Variants in NRCAM observed in about 807,000 individuals in gnomAD.
The protein encoded by NRCAM is neuronal cell adhesion molecule.
In NRCAM, 83 loss-of-function variants were observed where a neutral mutation model predicts 156.5. That is an observed-to-expected ratio of 0.53 (90% confidence interval 0.44 to 0.64). The LOEUF is 0.64. Among genes scored for constraint, NRCAM ranks in the 30% least tolerant of loss-of-function variants. The probability of loss-of-function intolerance (pLI) is 0.00; values close to 1 mark genes in which losing one functional copy is unlikely to be tolerated. For synonymous variants in NRCAM, 538 were observed against 563.9 expected (o/e 0.95, Z 0.65); for missense variants, 1,417 against 1,597.3 (o/e 0.89, Z 1.92).
rs117831767 is a variant in NRCAM at position 108,359,704 on chromosome 7, G to A, written c.-174+39732C>T. 2.2e-3 allele frequency among the ~76,000 whole-genome samples: 336 copies of A among 151,954 alleles called. 14 individuals carry two copies. The East Asian group carries it at 0.047, about 21-fold the overall frequency. On this transcript the variant is annotated intron_variant, in intron 2 of 32. Coordinates refer to ENST00000379028, the MANE Select transcript of NRCAM (RefSeq NM_001037132.4). ...TAGCAACCAAAATTTTTTTATTTTC[G>A]ACCTAAAAAAAATGGAGGTATAATT...
chr7:108,265,417 T>G (rs2154018332), intron 3 of NRCAM, among the ~76,000 whole-genome samples: 2 of 152,172 alleles, frequency 1.3e-5, no homozygotes, highest in South Asian at 4.2e-4. Flanking sequence ...TTTTTTGGGG[T>G]CTATCCTGAT....
chr7:108,218,174 G>GT (rs2090406894), intron 11 of NRCAM, among the ~76,000 whole-genome samples: 1 of 37,572 alleles, frequency 2.7e-5, no homozygotes, highest in African/African-American at 2.0e-4. Flanking sequence ...TCCCTTGGCT[G>GT]GGGGGGGGGG....
intron 1 of NRCAM, among the ~76,000 whole-genome samples, chr7:108,444,068 TTAAA>T (rs957346672): frequency 6.6e-5 from 10 of 152,054 alleles, no homozygotes; most frequent in Non-Finnish European, 1.3e-4. Flanking sequence ...GAAAATATCC[TTAAA>T]TAAATAAATA....
intron 2 of NRCAM, among the ~76,000 whole-genome samples, chr7:108,379,475 G>C (rs1285003690): frequency 6.6e-6 from 1 of 152,146 alleles, no homozygotes; most frequent in Non-Finnish European, 1.5e-5. Flanking sequence ...GAGGAGAGGA[G>C]ATTTGTTTAA....
intron 3 of NRCAM, among the ~76,000 whole-genome samples, chr7:108,250,718 A>G (rs1039465159): frequency 7.2e-5 from 11 of 152,112 alleles, no homozygotes; most frequent in African/African-American, 2.4e-4. Context: ...ATTATAGTCA[A>G]TAATTTAACT....
intron 3 of NRCAM, among the ~76,000 whole-genome samples, chr7:108,274,863 T>C (rs576222326): frequency 1.3e-5 from 2 of 152,322 alleles, no homozygotes; most frequent in South Asian, 4.1e-4. Flanking sequence ...CAGTATGACA[T>C]TAGCTGTGGG....
intron 1 of NRCAM, among the ~76,000 whole-genome samples, chr7:108,447,875 G>GGA (rs1178200571): frequency 1.3e-5 from 2 of 152,096 alleles, no homozygotes; most frequent in Non-Finnish European, 2.9e-5. Context: ...GCTATGAAGT[G>GGA]GAGACTATTC....
At chr7:108,191,316 C>G (rs769360851) in intron 18 of NRCAM, 33 bp from the exon 19 acceptor site, 1 of 1,520,632 alleles carries the variant, frequency 6.6e-7, no homozygotes, top group Non-Finnish European at 9.0e-7. Context: ...GGATTTTAAT[C>G]AAAATTAGTA....
At position 108,189,726 on chromosome 7, in the gene NRCAM, CA is replaced by C; in HGVS notation, c.1953del (p.Phe651LeufsTer3). The C allele has an allele frequency of 6.6e-7, 1 of 1,514,330 alleles. No homozygotes were observed. The highest frequency in any genetic ancestry group is 9.2e-7 in the Non-Finnish European group (1 of 1,091,896). The allele number at this position is 1,514,330 out of a possible 1,614,324, so 93.8% of individuals were successfully genotyped here. On this transcript the variant is annotated frameshift_variant, in exon 20 of 33. Coordinates refer to ENST00000379028, the MANE Select transcript of NRCAM (RefSeq NM_001037132.4). LOFTEE classifies it high-confidence loss of function. ...TCAAGTTGATCTGTCAGTTCTAAGTCAAAGGGAGGATTTGGGACATCTGTAG... is the reference window on the plus strand; with the variant it reads ...TCAAGTTGATCTGTCAGTTCTAAGTCAAGGGAGGATTTGGGACATCTGTAG... Reference protein sequence around the residue: ...APVYDVPNPPFDLELTDQLDK... With the variant: ...APVYDVPNPPXDLELTDQLDK...
chr7:108,409,375 C>A (rs1328778358), intron 1 of NRCAM, among the ~76,000 whole-genome samples: 1 of 152,330 alleles, frequency 6.6e-6, no homozygotes, highest in South Asian at 2.1e-4. Context: ...CCCACTCCTA[C>A]GAACAGTCTG....
intron 1 of NRCAM, among the ~76,000 whole-genome samples, chr7:108,440,577 G>A (rs1837410013): frequency 1.3e-5 from 2 of 152,236 alleles, no homozygotes; most frequent in Middle Eastern, 3.4e-3. Flanking sequence ...AGTAATGAAT[G>A]GAGGCTCACT....
intron 2 of NRCAM, among the ~76,000 whole-genome samples, chr7:108,359,552 T>G (rs2099534191): frequency 1.3e-5 from 2 of 151,906 alleles, no homozygotes. Flanking sequence ...AGAAAGAAAA[T>G]CTCATTTTTC....
At chr7:108,454,862 C>G (rs1468469146) in intron 1 of NRCAM, among the ~76,000 whole-genome samples, 1 of 152,214 alleles carries the variant, frequency 6.6e-6, no homozygotes, top group African/African-American at 2.4e-5. Context: ...ATCTGGGACT[C>G]GGAAAGGAAA....
At chr7:108,248,121 T>C (rs1285629192) in intron 3 of NRCAM, among the ~76,000 whole-genome samples, 3 of 152,138 alleles carry the variant, frequency 2.0e-5, no homozygotes, top group African/African-American at 7.2e-5. Context: ...TTTCTACAAA[T>C]AGCACTGAGA....
intron 3 of NRCAM, among the ~76,000 whole-genome samples, chr7:108,265,530 C>G (rs541937998): frequency 1.3e-5 from 2 of 152,200 alleles, no homozygotes; most frequent in Non-Finnish European, 1.5e-5. Flanking sequence ...CCAAATTACA[C>G]AGGAAAATTT....
chr7:108,209,192 A>C (rs900446980), intron 12 of NRCAM, among the ~76,000 whole-genome samples: 1 of 152,082 alleles, frequency 6.6e-6, no homozygotes, highest in African/African-American at 2.4e-5. Context: ...TATTTCCTTC[A>C]TTATTCCTAT....
intron 3 of NRCAM, among the ~76,000 whole-genome samples, chr7:108,292,920 T>C (rs1377607344): frequency 6.6e-6 from 1 of 152,222 alleles, no homozygotes; most frequent in East Asian, 1.9e-4. Context: ...AGCATTTTAC[T>C]GTAAAATATT....
At chr7:108,243,116 G>C (rs2095647886) in intron 3 of NRCAM, 1 of 152,118 alleles carries the variant, frequency 6.6e-6, no homozygotes, top group Non-Finnish European at 1.5e-5. Flanking sequence ...TGAAGATGGG[G>C]GTTCTCCTCA....
At chr7:108,300,272 T>C (rs4727706) in intron 3 of NRCAM, among the ~76,000 whole-genome samples, 40,282 of 150,644 alleles carry the variant, frequency 0.27, 6,455 homozygotes, top group East Asian at 0.6. Flanking sequence ...GCAATTGTTA[T>C]TGTAATACTA....
Sources: gnomAD v4.1 joint callset for allele counts (sites outside exome capture counted in the v4.1 genomes callset) on GRCh38, gnomAD v4.1.1 for gene constraint, MANE v1.5 for transcripts, NCBI Gene and HGNC (gene_info 2026-07-23, HGNC 2026-07-21) for gene names.